LFNG: variants seen among roughly 807,000 people sequenced by gnomAD.
LFNG encodes LFNG O-fucosylpeptide 3-beta-N-acetylglucosaminyltransferase.
Under a neutral mutation model 32.7 loss-of-function variants are expected in LFNG, and 15 were observed. The ratio of observed to expected loss-of-function variants is 0.46; its 90% confidence interval spans 0.31 to 0.71. LFNG has a LOEUF of 0.71. LFNG is among the 30% of genes least tolerant of loss of function. The pLI is 0.06. For synonymous variants in LFNG, 274 were observed against 246.8 expected (o/e 1.11, Z -1.03); for missense variants, 520 against 545.7 (o/e 0.95, Z 0.47).
chr7:2,526,937 C>A lies in LFNG; in HGVS notation c.1073+16C>A. On this transcript the variant is annotated intron_variant, in intron 7 of 7. Coordinates refer to ENST00000222725, the MANE Select transcript of LFNG (RefSeq NM_001040167.2). The surrounding 1 kb of genome is among the most constrained non-coding windows in gnomAD (Gnocchi z 6.9). ...ACCCATCCAGGTAAGGAAACCCCGGCCCAGATGGGCTTGCGTAGGGTGGCC... is the reference window on the plus strand; with the variant it reads ...ACCCATCCAGGTAAGGAAACCCCGGACCAGATGGGCTTGCGTAGGGTGGCC... The A allele has an allele frequency of 6.2e-7, 1 of 1,610,458 alleles. No individual in the cohort carries two copies. The highest frequency in any genetic ancestry group is 1.3e-5 in the African/African-American group (1 of 74,964).
intron 1 of LFNG, among the ~76,000 whole-genome samples, chr7:2,521,037 G>T (rs538779036): frequency 1.3e-5 from 2 of 152,160 alleles, no homozygotes; most frequent in Non-Finnish European, 2.9e-5. Context: ...GTCGGGGACT[G>T]GGGGGGTGTC....
chr7:2,520,425 C>T lies in LFNG; in HGVS notation c.432+132C>T, dbSNP rs1583272362. On this transcript the variant is annotated intron_variant, in intron 1 of 7. Coordinates refer to ENST00000222725, the MANE Select transcript of LFNG (RefSeq NM_001040167.2). The surrounding 1 kb of genome is among the most constrained non-coding windows in gnomAD (Gnocchi z 5.0). ...CACTAGGGCCATCTGTGGGCGACGC[C>T]AGTGCACCCCGGTGCACCCAGTTTG... The T allele has an allele frequency of 1.2e-6, 1 of 808,856 alleles. No individual in the cohort carries two copies. The highest frequency in any genetic ancestry group is 1.8e-5 in the African/African-American group (1 of 55,550). The allele number at this position is 808,856 out of a possible 1,614,324, so 50.1% of individuals were successfully genotyped here.
At position 2,527,402 on chromosome 7, in the gene LFNG, G is replaced by A; in HGVS notation, c.*190G>A. ...GGCTGCTGGGCAGTTCTGCTCTGTG[G>A]AGGGGCGGGCACCAGCGCCACTTAT... is the stretch of plus-strand genomic sequence containing the variant. On this transcript the variant is annotated 3_prime_UTR_variant, in exon 8 of 8. Transcript: ENST00000222725. The surrounding 1 kb of genome is among the most constrained non-coding windows in gnomAD (Gnocchi z 4.4). The A allele has an allele frequency of 6.8e-7, 1 of 1,472,278 alleles. No individual in the cohort carries two copies. The highest frequency in any genetic ancestry group is 2.2e-5 in the Admixed American group (1 of 45,896). 91.2% of individuals were successfully genotyped at this position (1,472,278 alleles called of 1,614,324 possible). A position where few individuals can be genotyped will look rare whatever the true frequency, so the allele number is the denominator to read the frequency against.
At chr7:2,514,595 CATCT>C (rs1468382041), upstream of LFNG, among the ~76,000 whole-genome samples, 4 of 150,920 alleles carry the variant, frequency 2.7e-5, no homozygotes, top group Non-Finnish European at 4.4e-5. Flanking sequence ...TTCATCCATC[CATCT>C]GTCCATCCAT....
Position 2,525,580 on chromosome 7 carries a change from C to A in LFNG, c.735+13C>A, listed in dbSNP as rs114028096. The stretch of plus-strand genomic sequence containing the variant: ...CGAGAACAAGGTGGTGAGTGCCTGC[C>A]CCTCCCAGTCCCCCACGCCCACGCG... On this transcript the variant is annotated intron_variant, in intron 4 of 7. Transcript: ENST00000222725. 1 of 1,611,976 alleles carries A rather than the reference C, an allele frequency of 6.2e-7. No individual in the cohort carries two copies. The highest frequency in any genetic ancestry group is 1.3e-5 in the African/African-American group (1 of 74,944).
chr7:2,520,196 C>G lies in LFNG; in HGVS notation c.335C>G (p.Pro112Arg), dbSNP rs1302798409. ...CGCCCCCTGGCCGAGCCGCTCGCGCCCCGAGACGTCTTCATCGCTGTCAAG... is the reference window on the plus strand; with the variant it reads ...CGCCCCCTGGCCGAGCCGCTCGCGCGCCGAGACGTCTTCATCGCTGTCAAG... ...HPRPLAEPLA[P>R]RDVFIAVKTT... The change falls in exon 1 of 8, where the codon CCC becomes CGC. Residue 112 changes from proline (P) to arginine (R), a missense_variant. Physicochemically the swap from Pro to Arg is moderately radical, Grantham distance 103. Coordinates refer to ENST00000222725, the MANE Select transcript of LFNG (RefSeq NM_001040167.2). This position sits in a 1 kb window ranked among gnomAD's most constrained non-coding sequence, Gnocchi z 5.0. 1 of 1,596,000 alleles carries G rather than the reference C, an allele frequency of 6.3e-7. No homozygotes were observed.
intron 2 of LFNG, 55 bp downstream of exon 2, chr7:2,524,798 G>C (rs1779903302): frequency 6.8e-7 from 1 of 1,480,468 alleles, no homozygotes; most frequent in South Asian, 1.2e-5. Context: ...AGAGCCGAAC[G>C]CTCCCCCTCC....
chr7:2,524,026 T>C (rs1779868126), intron 1 of LFNG, among the ~76,000 whole-genome samples: 1 of 152,108 alleles, frequency 6.6e-6, no homozygotes, highest in Non-Finnish European at 1.5e-5. Context: ...GCCAGCTGTA[T>C]GGTAATGGGC....
intron 2 of LFNG, 91 bp from the exon 3 acceptor site, chr7:2,525,128 C>A: frequency 8.6e-7 from 1 of 1,157,932 alleles, no homozygotes; most frequent in Admixed American, 1.9e-5. Flanking sequence ...GGGGGCTTTT[C>A]TCGAGCCCCT....
upstream of LFNG, chr7:2,513,038 G>C (rs1242373522): frequency 1.1e-6 from 1 of 938,376 alleles, no homozygotes; most frequent in East Asian, 2.4e-5. Flanking sequence ...CTTTCCAGAA[G>C]TCCCCTGCCT....
At chr7:2,519,534 T>C (rs1779716194), upstream of LFNG, among the ~76,000 whole-genome samples, 1 of 150,626 alleles carries the variant, frequency 6.6e-6, no homozygotes, top group African/African-American at 2.4e-5. Flanking sequence ...CCCAAGCCCC[T>C]CGGCGGCCCG....
chr7:2,524,654 G>A (rs1379984402), intron 1 of LFNG, 41 bp from the exon 2 acceptor site: 5 of 1,558,924 alleles, frequency 3.2e-6, no homozygotes, highest in Non-Finnish European at 4.3e-6. Context: ...CTGGGGTGGG[G>A]ATGAAGGGCT....
rs866981854 is a variant in LFNG, at chr7:2,525,100, C to T, written c.482-119C>T. 3.5e-5 allele frequency: 32 copies of T among 914,760 alleles called. No individual in the cohort carries two copies. In the East Asian group the frequency reaches 4.2e-4, roughly 12 times the overall value. 56.7% of individuals were successfully genotyped at this position (914,760 alleles called of 1,614,324 possible). A position where few individuals can be genotyped will look rare whatever the true frequency, so the allele number is the denominator to read the frequency against. On this transcript the variant is annotated intron_variant, in intron 2 of 7. Transcript: ENST00000222725. ...CTAGGGTGGGGGAGGCTACGGCCGC[C>T]GGGCCCAGCTTGAACTAGGGGGCTT...
At chr7:2,518,722 C>G, upstream of LFNG, 1 of 1,366,318 alleles carries the variant, frequency 7.3e-7, no homozygotes, top group African/African-American at 1.5e-5. Context: ...TCGCAGAGAC[C>G]CTGCTTAGGA....
chr7:2,515,190 C>T (rs1779599835), upstream of LFNG, among the ~76,000 whole-genome samples: 1 of 152,322 alleles, frequency 6.6e-6, no homozygotes, highest in East Asian at 1.9e-4. Flanking sequence ...ATCCATCCGT[C>T]CCTCCATCTG....
chr7:2,518,518 G>A, upstream of LFNG: 3 of 1,030,914 alleles, frequency 2.9e-6, no homozygotes, highest in South Asian at 3.8e-5. Context: ...TTTTTTCAGA[G>A]CACCTACTAT....
Position 2,526,746 on chromosome 7 carries a change from C to G in LFNG, c.988-90C>G, listed in dbSNP as rs1037998011. On this transcript the variant is annotated intron_variant, in intron 6 of 7. Transcript: ENST00000222725. The surrounding 1 kb of genome is among the most constrained non-coding windows in gnomAD (Gnocchi z 6.9). ...GGTCCAAGGGAGGCCAGGGCAGGGC[C>G]GTTGCCTCACTCAGGGCTGTGTGGC... is the stretch of plus-strand genomic sequence containing the variant. The G allele has an allele frequency of 2.2e-5, 27 of 1,215,410 alleles. No homozygotes were observed. The highest frequency in any genetic ancestry group is 3.1e-5 in the Non-Finnish European group (26 of 826,556). 75.3% of individuals were successfully genotyped at this position (1,215,410 alleles called of 1,614,324 possible). A position where few individuals can be genotyped will look rare whatever the true frequency, so the allele number is the denominator to read the frequency against.
At chr7:2,514,036 T>A (rs1779551856), upstream of LFNG, among the ~76,000 whole-genome samples, 1 of 152,212 alleles carries the variant, frequency 6.6e-6, no homozygotes, top group Admixed American at 6.5e-5. Flanking sequence ...AGACCAACAG[T>A]TAGAGTGAGA....
At chr7:2,514,071 T>TG (rs1562548173), upstream of LFNG, among the ~76,000 whole-genome samples, 1 of 152,168 alleles carries the variant, frequency 6.6e-6, no homozygotes, top group Non-Finnish European at 1.5e-5. Flanking sequence ...CTGGAGGTGG[T>TG]GTTTGGAAAT....
Sources: allele counts gnomAD v4.1 joint callset (sites outside exome capture counted in the v4.1 genomes callset), GRCh38; gene constraint gnomAD v4.1.1; non-coding constraint Gnocchi (gnomAD v3.1); transcripts MANE v1.5; gene names NCBI Gene and HGNC (gene_info 2026-07-23, HGNC 2026-07-21).